Variants in AP3B2 observed in about 807,000 individuals in gnomAD.
The protein encoded by AP3B2 is adaptor related protein complex 3 subunit beta 2.
Under a neutral mutation model 126.9 loss-of-function variants are expected in AP3B2, and 50 were observed. The ratio of observed to expected loss-of-function variants is 0.39; its 90% CI spans 0.31 to 0.50. The LOEUF is 0.50. Among genes scored for constraint, AP3B2 ranks in the 20% least tolerant of loss-of-function variants. The probability of loss-of-function intolerance (pLI) is 0.79; values close to 1 mark genes in which losing one functional copy is unlikely to be tolerated. For missense variants in AP3B2, 1,177 were observed against 1,426.4 expected, an observed-to-expected ratio of 0.83 and a Z score of 2.82; for synonymous variants, 541 against 565.0, an observed-to-expected ratio of 0.96 and a Z score of 0.60.
Position 82,664,506 on chromosome 15 carries a change from A to G in AP3B2, c.2138-16T>C. The G allele has an allele frequency of 6.2e-7, 1 of 1,609,110 alleles. No homozygotes were observed. The highest frequency in any genetic ancestry group is 8.5e-7 in the Non-Finnish European group (1 of 1,177,772). ...GACTCAGGGTCTGTGGAGGAACAAT[A>G]TGAGGCCTCCTCCCTCATATGCAGG... On this transcript the variant is annotated splice_polypyrimidine_tract_variant and intron_variant, in intron 18 of 26. Transcript: ENST00000535359. This position sits in a 1 kb window ranked among gnomAD's most constrained non-coding sequence, Gnocchi z 4.5.
At position 82,666,809 on chromosome 15, in the gene AP3B2, C is replaced by T. The variant is rs751411577; in HGVS notation, c.1790G>A (p.Arg597His). The T allele has an allele frequency of 1.4e-5, 22 of 1,613,850 alleles. No homozygotes were observed. The highest frequency in any genetic ancestry group is 1.8e-5 in the Non-Finnish European group (21 of 1,179,880). Residue 597 changes from arginine (R) to histidine (H), a missense_variant, in exon 15 of 27, where the codon CGC (arginine) becomes CAC (histidine). Arg to His is a conservative substitution (Grantham distance 29). Coordinates refer to ENST00000535359, the MANE Select transcript of AP3B2 (RefSeq NM_001278512.2). ...TGCCAGGAAGAGCTTCTTGGCATGGCGGCTGAGGGCCCCACCCTGCTCGGA... is the reference window on the plus strand; with the variant it reads ...TGCCAGGAAGAGCTTCTTGGCATGGTGGCTGAGGGCCCCACCCTGCTCGGA... Reference protein sequence around the residue: ...VPSEQGGALSRHAKKLFLAPK... With the variant: ...VPSEQGGALSHHAKKLFLAPK...
chr15:82,695,778 A>T (rs1177594788), intron 1 of AP3B2, among the ~76,000 whole-genome samples: 1 of 152,232 alleles, frequency 6.6e-6, no homozygotes, highest in African/African-American at 2.4e-5. Context: ...GTTGGTCAGA[A>T]GTATAGCTGA....
chr15:82,709,421 C>A (rs1267615585), intron 1 of AP3B2, among the ~76,000 whole-genome samples, 173 bp downstream of exon 1: 1 of 151,036 alleles, frequency 6.6e-6, no homozygotes, highest in Non-Finnish European at 1.5e-5. Context: ...GGGGTGCCAG[C>A]GCTGCCCGCG....
chr15:82,662,280 A>C (rs529736759), intron 23 of AP3B2, 28 bp from the exon 24 acceptor site: 1 of 1,538,176 alleles, frequency 6.5e-7, no homozygotes, highest in East Asian at 2.3e-5. Flanking sequence ...AGTGAAGGGG[A>C]GAGGGAGGGC....
At chr15:82,692,328 C>G (rs17158366) in intron 1 of AP3B2, 1 of 569,048 alleles carries the variant, frequency 1.8e-6, no homozygotes, top group East Asian at 3.2e-5. Context: ...AGGCTCACCA[C>G]GCAGATGCGC....
chr15:82,681,230 C>G lies in AP3B2; in HGVS notation c.522-52G>C. 6.4e-7 allele frequency: 1 copy of G among 1,572,676 alleles called. No individual in the cohort carries two copies. The highest frequency in any genetic ancestry group is 8.6e-7 in the Non-Finnish European group (1 of 1,156,844). ...TTGCCACTCTCAGCCCCAGCCTTCCCAATATCTGTCCAAGCCATGCTCACC... is the reference window on the plus strand; with the variant it reads ...TTGCCACTCTCAGCCCCAGCCTTCCGAATATCTGTCCAAGCCATGCTCACC... On this transcript the variant is annotated intron_variant, in intron 5 of 26. Transcript: ENST00000535359. The surrounding 1 kb of genome is among the most constrained non-coding windows in gnomAD (Gnocchi z 4.0).
Position 82,681,084 on chromosome 15 carries a change from C to G in AP3B2, c.588+28G>C. ...TGGAAGGCCGGCTGCCGGTCACCAC[C>G]CCTCCCGGAGCGCCCCTATACACGC... On this transcript the variant is annotated intron_variant, in intron 6 of 26. Transcript: ENST00000535359. The surrounding 1 kb of genome is among the most constrained non-coding windows in gnomAD (Gnocchi z 4.0). 1 of 1,613,526 alleles carries G rather than the reference C, an allele frequency of 6.2e-7. No individual in the cohort carries two copies. Among genetic ancestry groups the G allele is most frequent in the South Asian group, 1.1e-5 (1 of 91,046 alleles).
chr15:82,699,747 G>A, intron 1 of AP3B2: 6 of 399,426 alleles, frequency 1.5e-5, no homozygotes, highest in Non-Finnish European at 2.6e-5. Context: ...CAGGCTCCAA[G>A]GCCTGGTACC....
chr15:82,677,665 ACT>A lies in AP3B2; in HGVS notation c.1378+4_1378+5del. 6.5e-7 allele frequency: 1 copy of A among 1,533,450 alleles called. No homozygotes were observed. Among genetic ancestry groups the A allele is most frequent in the Non-Finnish European group, 8.8e-7 (1 of 1,139,302 alleles). The allele number at this position is 1,533,450 out of a possible 1,614,324, so 95.0% of individuals were successfully genotyped here. On this transcript the variant is annotated splice_donor_5th_base_variant and intron_variant, in intron 12 of 26. Transcript: ENST00000535359. The stretch of plus-strand genomic sequence containing the variant: ...ATCACGGTTAGACACTCAGGGAAAC[ACT>A]GACCATCACGGTTGGACAGCAGCTG...
intron 4 of AP3B2, among the ~76,000 whole-genome samples, chr15:82,683,075 T>TTTTTTTTTTTTTA (rs2048372073): frequency 8.9e-6 from 1 of 112,414 alleles, no homozygotes; most frequent in Non-Finnish European, 1.7e-5. Flanking sequence ...TTTTTTTTTT[T>TTTTTTTTTTTTTA]TGTAACGGAG....
At chr15:82,669,043 C>G (rs1185835432) in intron 14 of AP3B2, among the ~76,000 whole-genome samples, 1 of 152,204 alleles carries the variant, frequency 6.6e-6, no homozygotes, top group Admixed American at 6.5e-5. Context: ...CAGACAGATT[C>G]TAAGGTCTTC....
intron 11 of AP3B2, 98 bp downstream of exon 11, chr15:82,678,007 C>T: frequency 6.9e-7 from 1 of 1,446,484 alleles, no homozygotes; most frequent in Non-Finnish European, 9.5e-7. Flanking sequence ...ATAATAGTTT[C>T]TCCAGCCTTG....
chr15:82,666,686 G>A, intron 15 of AP3B2, 61 bp downstream of exon 15: 1 of 1,554,292 alleles, frequency 6.4e-7, no homozygotes, highest in Non-Finnish European at 8.7e-7. Context: ...GTCTGGGGCA[G>A]AGACTCTGGC....
intron 11 of AP3B2, 72 bp from the exon 12 acceptor site, chr15:82,677,875 C>T: frequency 1.3e-6 from 2 of 1,506,272 alleles, no homozygotes; most frequent in East Asian, 2.3e-5. Context: ...AGGCTGTGGC[C>T]TTTCATTTTA....
intron 1 of AP3B2, among the ~76,000 whole-genome samples, chr15:82,700,557 C>G (rs1284159534): frequency 6.6e-6 from 1 of 150,982 alleles, no homozygotes; most frequent in Non-Finnish European, 1.5e-5. Flanking sequence ...CACCACCACA[C>G]CTGGCTAATT....
intron 25 of AP3B2, among the ~76,000 whole-genome samples, chr15:82,660,995 A>G (rs2047935004): frequency 6.6e-6 from 1 of 152,072 alleles, no homozygotes; most frequent in Non-Finnish European, 1.5e-5. Flanking sequence ...AGCCTTTTAT[A>G]TGCTGACTCT....
At chr15:82,683,345 C>G (rs571601081) in intron 4 of AP3B2, among the ~76,000 whole-genome samples, 39 of 152,322 alleles carry the variant, frequency 2.6e-4, no homozygotes, top group Non-Finnish European at 4.7e-4. Flanking sequence ...GCGTGAGCCA[C>G]TGCACCCGGC....
Position 82,679,800 on chromosome 15 carries a change from C to G in AP3B2, c.1111G>C (p.Gly371Arg), listed in dbSNP as rs1354209873. The change falls in exon 10 of 27, where the codon GGT becomes CGT. Residue 371 changes from glycine to arginine, a missense_variant and splice_region_variant. Gly to Arg is a moderately radical substitution (Grantham distance 125). This residue lies in a region of AP3B2 where 308 missense variants were observed against 452.4 expected (regional missense o/e 0.68). Transcript: ENST00000535359. ...NVATMSIKRR[G>R]MFEPYLKSFY... is the part of the protein sequence containing the mutation. ...CTCTTCAGGTAGGGCTCAAACATAC[C>G]CTGGCACAAGAGAGGCAGCTAGGGA... The G allele has an allele frequency of 6.2e-7, 1 of 1,613,902 alleles. No individual in the cohort carries two copies.
intron 1 of AP3B2, among the ~76,000 whole-genome samples, chr15:82,695,581 C>T (rs1212420545): frequency 6.6e-6 from 1 of 152,084 alleles, no homozygotes; most frequent in Non-Finnish European, 1.5e-5. Flanking sequence ...GGGTGTGGTG[C>T]CTGGAGAGGG....
Sources: allele counts gnomAD v4.1 joint callset (sites outside exome capture counted in the v4.1 genomes callset), GRCh38; gene constraint gnomAD v4.1.1; regional missense constraint gnomAD v4.1.1; non-coding constraint Gnocchi (gnomAD v3.1); transcripts MANE v1.5; gene names NCBI Gene and HGNC (gene_info 2026-07-23, HGNC 2026-07-21).